ZBTB49: variants seen among roughly 807,000 people sequenced by gnomAD.
ZBTB49 encodes the protein zinc finger and BTB domain containing 49, also known as zinc finger and BTB domain-containing protein 49.
In ZBTB49, 43 loss-of-function variants were observed where a neutral mutation model predicts 57.5. That is an observed-to-expected ratio of 0.75 (90% CI 0.59 to 0.97). The LOEUF is 0.97. ZBTB49 is among the 50% of genes least tolerant of loss of function. ZBTB49 has a pLI of 0.00. For missense variants in ZBTB49, 938 were observed against 947.7 expected, an observed-to-expected ratio of 0.99 and a Z score of 0.13; for synonymous variants, 369 against 362.1, an observed-to-expected ratio of 1.02 and a Z score of -0.22.
At chr4:4,301,454 AT>A (rs556879619) in intron 2 of ZBTB49, among the ~76,000 whole-genome samples, 12 of 150,908 alleles carry the variant, frequency 8.0e-5, no homozygotes, top group South Asian at 2.1e-4. Flanking sequence ...TATTCTAGCT[AT>A]TTTTTTTTAA....
intron 7 of ZBTB49, among the ~76,000 whole-genome samples, chr4:4,317,485 C>T (rs555026138): frequency 6.6e-6 from 1 of 152,020 alleles, no homozygotes; most frequent in Admixed American, 6.6e-5. Flanking sequence ...TTAGCAACCC[C>T]CTTCCCAGCC....
In ZBTB49 at chr4:4,300,071, C is replaced by T. The variant is rs747121787; in HGVS notation, c.126C>T (p.Val42=). The T allele has an allele frequency of 6.2e-7, 1 of 1,614,084 alleles. No homozygotes were observed. Among genetic ancestry groups the T allele is most frequent in the South Asian group, 1.1e-5 (1 of 91,078 alleles). Residue 42 remains valine, a synonymous_variant, in exon 2 of 8, where the codon GTC becomes GTT. Transcript: ENST00000337872. The part of the protein sequence containing the change: ...KGVCFKAHKN[V]LAAFSQYFRS... ...TCTGCTTTAAAGCGCATAAGAATGT[C>T]CTGGCAGCATTCAGCCAGTATTTTA...
At chr4:4,312,561 A>T (rs913090014) in intron 4 of ZBTB49, among the ~76,000 whole-genome samples, 6 of 152,236 alleles carry the variant, frequency 3.9e-5, no homozygotes, top group African/African-American at 1.2e-4. Context: ...TTGCCAGAGG[A>T]AGTACTTTTT....
rs1274365057 is a variant in ZBTB49 at position 4,314,706 on chromosome 4, G to A, written c.1377-930G>A. 4.6e-5 allele frequency among the ~76,000 whole-genome samples: 7 copies of A among 152,310 alleles called. 1 individual carries two copies. Among genetic ancestry groups the A allele is most frequent in the Admixed American group, 1.3e-4 (2 of 15,296 alleles). ...GTTTGAAACCAGACCTATATGCAGCGTCTTCCTTAGAATATAACATACTCT... is the reference window on the plus strand; with the variant it reads ...GTTTGAAACCAGACCTATATGCAGCATCTTCCTTAGAATATAACATACTCT... On this transcript the variant is annotated intron_variant, in intron 5 of 7. Coordinates refer to ENST00000337872, the MANE Select transcript of ZBTB49 (RefSeq NM_145291.4).
At chr4:4,308,021 C>A (rs1720815522) in intron 4 of ZBTB49, among the ~76,000 whole-genome samples, 1 of 152,124 alleles carries the variant, frequency 6.6e-6, no homozygotes, top group Admixed American at 6.5e-5. Flanking sequence ...CCTTGGTGCC[C>A]ACATCAGAGA....
intron 7 of ZBTB49, among the ~76,000 whole-genome samples, chr4:4,318,917 T>TAC: frequency 7.3e-6 from 1 of 137,600 alleles, no homozygotes; most frequent in African/African-American, 2.7e-5. Context: ...TTTTTTGAGA[T>TAC]GGGTTCTTTG....
chr4:4,302,647 C>T lies in ZBTB49; in HGVS notation c.811C>T (p.His271Tyr). ...HSECILESPE[H>Y]LPSNFLAQPV... ...TGAATGCATCCTGGAGTCTCCCGAG[C>T]ACTTACCTTCCAACTTCCTGGCCCA... Residue 271 changes from histidine to tyrosine, a missense_variant, in exon 3 of 8, where the codon CAC becomes TAC. This residue lies in a region of ZBTB49 where 835 missense variants were observed against 819.1 expected (regional missense o/e 1.02). Coordinates refer to ENST00000337872, the MANE Select transcript of ZBTB49 (RefSeq NM_145291.4). 6.2e-7 allele frequency: 1 copy of T among 1,610,808 alleles called. No individual in the cohort carries two copies.
rs753807304 is a variant in ZBTB49 at position 4,320,622 on chromosome 4, C to A, written c.1622-18C>A. On this transcript the variant is annotated intron_variant, in intron 7 of 7. Transcript: ENST00000337872. ...AGACCCTGTTTAAGTAAATAAATAACTGTTTTTCTTTTTCCAGGGAAATGT... is the reference window on the plus strand; with the variant it reads ...AGACCCTGTTTAAGTAAATAAATAAATGTTTTTCTTTTTCCAGGGAAATGT... 3.7e-6 allele frequency: 6 copies of A among 1,613,188 alleles called. No individual in the cohort carries two copies.
chr4:4,298,613 T>C (rs753020441), intron 1 of ZBTB49, among the ~76,000 whole-genome samples: 1 of 152,116 alleles, frequency 6.6e-6, no homozygotes, highest in Admixed American at 6.5e-5. Flanking sequence ...TTATTTTTCA[T>C]AGAGACAGGG....
chr4:4,313,063 T>C lies in ZBTB49; in HGVS notation c.1325T>C (p.Leu442Ser), dbSNP rs772261214. The stretch of plus-strand genomic sequence containing the variant: ...CAGGCAGGTAACTTGCAGACTCACT[T>C]ACGACGGCATTCTGGTGAAAAACCA... ...FSQAGNLQTH[L>S]RRHSGEKPYI... The change falls in exon 5 of 8, where the codon TTA (leucine) becomes TCA (serine). Residue 442 changes from leucine to serine, a missense_variant. By Grantham distance (145) the Leu-to-Ser change is moderately radical. This residue lies in a region of ZBTB49 where 835 missense variants were observed against 819.1 expected (regional missense o/e 1.02). Coordinates refer to ENST00000337872, the MANE Select transcript of ZBTB49 (RefSeq NM_145291.4). 4.0e-5 allele frequency: 64 copies of C among 1,614,092 alleles called. No homozygotes were observed. Among genetic ancestry groups the C allele is most frequent in the Non-Finnish European group, 5.3e-5 (62 of 1,180,010 alleles).
chr4:4,307,890 T>G (rs1388427024), intron 4 of ZBTB49, among the ~76,000 whole-genome samples: 1 of 152,204 alleles, frequency 6.6e-6, no homozygotes, highest in Admixed American at 6.5e-5. Flanking sequence ...TAAATTATGT[T>G]GAGAGTAGAA....
intron 3 of ZBTB49, among the ~76,000 whole-genome samples, chr4:4,304,143 A>G (rs1720637003): frequency 6.6e-6 from 1 of 152,188 alleles, no homozygotes. Context: ...CGTGAAGGCA[A>G]TATCACAGAC....
intron 4 of ZBTB49, among the ~76,000 whole-genome samples, chr4:4,308,367 G>A (rs1275722961): frequency 1.3e-5 from 2 of 152,146 alleles, no homozygotes; most frequent in South Asian, 2.1e-4. Flanking sequence ...GTGAGCCACC[G>A]TGCCCAGCCA....
rs771127902 is a variant in ZBTB49 at position 4,321,122 on chromosome 4, G to A, written c.2104G>A (p.Glu702Lys). The change falls in exon 8 of 8, where the codon GAA becomes AAA. Residue 702 changes from glutamate (E) to lysine (K), a missense_variant. Coordinates refer to ENST00000337872, the MANE Select transcript of ZBTB49 (RefSeq NM_145291.4). ...YSDVDTPAGG[E>K]PLQADGMAMI... ...GGATGTGGACACCCCAGCCGGTGGC[G>A]AACCACTGCAGGCCGATGGCATGGC... The A allele has an allele frequency of 4.9e-5, 79 of 1,613,990 alleles. 2 individuals are homozygous for A. In the South Asian group the frequency reaches 7.0e-4, roughly 14 times the overall value.
intron 1 of ZBTB49, 131 bp from the exon 2 acceptor site, chr4:4,299,796 T>G: frequency 1.4e-6 from 1 of 714,572 alleles, no homozygotes; most frequent in Non-Finnish European, 2.3e-6. Flanking sequence ...TGTGTGTGTG[T>G]GTGTGTGTGT....
In ZBTB49 at chr4:4,313,130, G is replaced by C. The variant is rs1448156277; in HGVS notation, c.1376+16G>C. ...GTGGAAAGAGGTCAGTGCTGGGCGTGTTCTTCCGTGTGGAAGGGAGCATGT... is the reference window on the plus strand; with the variant it reads ...GTGGAAAGAGGTCAGTGCTGGGCGTCTTCTTCCGTGTGGAAGGGAGCATGT... On this transcript the variant is annotated intron_variant, in intron 5 of 7. Transcript: ENST00000337872. 6.2e-7 allele frequency: 1 copy of C among 1,613,756 alleles called. No individual in the cohort carries two copies. Among genetic ancestry groups the C allele is most frequent in the East Asian group, 2.2e-5 (1 of 44,858 alleles).
chr4:4,297,204 G>A (rs1720246820), intron 1 of ZBTB49, among the ~76,000 whole-genome samples: 1 of 152,138 alleles, frequency 6.6e-6, no homozygotes, highest in African/African-American at 2.4e-5. Flanking sequence ...CCCAGTAGCT[G>A]GGATTATAGG....
At chr4:4,305,517 A>C (rs1372827) in intron 3 of ZBTB49, among the ~76,000 whole-genome samples, 1 of 152,098 alleles carries the variant, frequency 6.6e-6, no homozygotes, top group East Asian at 1.9e-4. Flanking sequence ...GTAGAGTACC[A>C]TTCTTAGAAT....
In ZBTB49 at chr4:4,313,031, C is replaced by T; in HGVS notation, c.1303-10C>T. The T allele has an allele frequency of 1.2e-6, 2 of 1,613,276 alleles. No homozygotes were observed. Among genetic ancestry groups the T allele is most frequent in the Non-Finnish European group, 1.7e-6 (2 of 1,179,848 alleles). ...ATTATTGGTGTGTTTTTCTTTTCCT[C>T]TTTTTGCAGGCAGGTAACTTGCAGA... is the stretch of plus-strand genomic sequence containing the variant. On this transcript the variant is annotated splice_polypyrimidine_tract_variant and intron_variant, in intron 4 of 7. Transcript: ENST00000337872.
Sources: gnomAD v4.1 joint callset for allele counts (sites outside exome capture counted in the v4.1 genomes callset) on GRCh38, gnomAD v4.1.1 for gene constraint, gnomAD v4.1.1 regional missense constraint, MANE v1.5 for transcripts, NCBI Gene and HGNC (gene_info 2026-07-23, HGNC 2026-07-21) for gene names.